Variants in ERC2 observed in about 807,000 individuals in gnomAD.
The protein encoded by ERC2 is ERC protein 2.
Under a neutral mutation model 114.8 loss-of-function variants are expected in ERC2, and 42 were observed. That is an observed-to-expected ratio of 0.37 (90% confidence interval 0.29 to 0.47). The LOEUF (loss-of-function observed/expected upper bound fraction) is 0.47. Among genes scored for constraint, ERC2 ranks in the 20% least tolerant of loss-of-function variants. The pLI is 0.99. For missense variants in ERC2, 939 were observed against 1,150.7 expected (o/e 0.82, Z 2.66); for synonymous variants, 454 against 425.5 (o/e 1.07, Z -0.82).
intron 2 of ERC2, among the ~76,000 whole-genome samples, chr3:56,392,353 T>C (rs1025117811): frequency 2.6e-5 from 4 of 152,220 alleles, no homozygotes; most frequent in African/African-American, 9.6e-5. Context: ...ATGGACTGTT[T>C]ATTTCATTAT....
chr3:56,066,441 A>G (rs1436144514), intron 7 of ERC2, among the ~76,000 whole-genome samples: 1 of 152,054 alleles, frequency 6.6e-6, no homozygotes, highest in African/African-American at 2.4e-5. Flanking sequence ...TTCCTTGTAG[A>G]TTCTGGATAT....
chr3:56,423,038 T>A (rs2061442840), intron 2 of ERC2, among the ~76,000 whole-genome samples: 1 of 152,248 alleles, frequency 6.6e-6, no homozygotes. Flanking sequence ...CCTTACAAGA[T>A]TGACACCTAT....
At chr3:55,805,125 G>A (rs1336930883) in intron 14 of ERC2, among the ~76,000 whole-genome samples, 2 of 151,964 alleles carry the variant, frequency 1.3e-5, no homozygotes, top group African/African-American at 4.8e-5. Flanking sequence ...AGTACTTACT[G>A]CCAATGCTCC....
intron 2 of ERC2, among the ~76,000 whole-genome samples, chr3:56,413,586 G>A (rs9813010): frequency 0.046 from 7,038 of 152,126 alleles, 403 homozygotes; most frequent in African/African-American, 0.13. Flanking sequence ...AGTCCCCTTG[G>A]TCAGACACTG....
At chr3:56,407,354 CCTCT>C (rs1295705197) in intron 2 of ERC2, among the ~76,000 whole-genome samples, 1 of 152,170 alleles carries the variant, frequency 6.6e-6, no homozygotes, top group African/African-American at 2.4e-5. Flanking sequence ...CTTCTCACGT[CCTCT>C]CTAATTTCCA....
At chr3:56,364,414 T>C (rs541281591) in intron 2 of ERC2, among the ~76,000 whole-genome samples, 3 of 152,332 alleles carry the variant, frequency 2.0e-5, no homozygotes, top group African/African-American at 4.8e-5. Flanking sequence ...ATGTTACACA[T>C]ATATAAACAC....
chr3:55,676,516 G>T (rs1312528546), intron 17 of ERC2, among the ~76,000 whole-genome samples: 1 of 150,788 alleles, frequency 6.6e-6, no homozygotes, highest in Admixed American at 6.6e-5. Context: ...CCACCCATTG[G>T]TATCTGTGTC....
intron 5 of ERC2, among the ~76,000 whole-genome samples, chr3:56,142,715 C>A (rs1016410908): frequency 1.3e-5 from 2 of 151,872 alleles, no homozygotes; most frequent in Non-Finnish European, 2.9e-5. Flanking sequence ...CTTATAATTC[C>A]AACTTTTGAA....
intron 3 of ERC2, among the ~76,000 whole-genome samples, chr3:56,265,976 T>C (rs949425018): frequency 2.0e-5 from 3 of 149,830 alleles, no homozygotes; most frequent in East Asian, 4.0e-4. Flanking sequence ...TTGCAGTGAG[T>C]TGAGATCATG....
At chr3:55,981,643 T>C (rs907736758) in intron 12 of ERC2, among the ~76,000 whole-genome samples, 4 of 151,926 alleles carry the variant, frequency 2.6e-5, no homozygotes, top group African/African-American at 9.7e-5. Context: ...AAGAAGGAAA[T>C]AGGGATTGAA....
intron 5 of ERC2, among the ~76,000 whole-genome samples, chr3:56,147,125 T>A (rs1322772147): frequency 4.6e-5 from 7 of 152,156 alleles, no homozygotes; most frequent in Admixed American, 3.9e-4. Flanking sequence ...AACAATAATT[T>A]CCCCCAAACT....
chr3:56,068,801 C>T (rs1248152206), intron 7 of ERC2, among the ~76,000 whole-genome samples: 1 of 152,028 alleles, frequency 6.6e-6, no homozygotes, highest in African/African-American at 2.4e-5. Flanking sequence ...CATTATTTAC[C>T]CAGGAATCAT....
intron 13 of ERC2, among the ~76,000 whole-genome samples, chr3:55,932,944 C>T (rs886237523): frequency 6.6e-6 from 1 of 152,226 alleles, no homozygotes; most frequent in African/African-American, 2.4e-5. Flanking sequence ...CGTGGTAGCT[C>T]ACGCCTGTAA....
In ERC2 at chr3:55,964,554, T is replaced by G. The variant is rs1305018222; in HGVS notation, c.2268-13994A>C. Among the ~76,000 whole-genome samples, 5 of 152,184 alleles carry G rather than the reference T, an allele frequency of 3.3e-5. No individual in the cohort carries two copies. The East Asian group carries it at 9.7e-4, about 29-fold the overall frequency. On this transcript the variant is annotated intron_variant, in intron 12 of 17. Transcript: ENST00000288221. ...TCCATCTGAGGTGTGGCTTACTGGA[T>G]CAACCCAAAAATAATTTAAACCAGC... is the stretch of plus-strand genomic sequence containing the variant.
chr3:55,912,229 A>G (rs941461054), intron 13 of ERC2, among the ~76,000 whole-genome samples: 15 of 152,220 alleles, frequency 9.9e-5, no homozygotes, highest in African/African-American at 3.6e-4. Flanking sequence ...AAGAAATCTC[A>G]GAAGAGATAT....
chr3:56,000,615 A>C lies in ERC2; in HGVS notation c.2061+6566T>G, dbSNP rs1042569475. 2.6e-5 allele frequency among the ~76,000 whole-genome samples: 4 copies of C among 152,184 alleles called. No individual in the cohort carries two copies. In the East Asian group the frequency reaches 7.7e-4, roughly 29 times the overall value. On this transcript the variant is annotated intron_variant, in intron 10 of 17. Coordinates refer to ENST00000288221, the MANE Select transcript of ERC2 (RefSeq NM_015576.3). ...AAAAAATTCCACCTAAACATGTGTCAAAGTTATGTAAAATGACAATTCTCA... is the reference window on the plus strand; with the variant it reads ...AAAAAATTCCACCTAAACATGTGTCCAAGTTATGTAAAATGACAATTCTCA...
At chr3:55,525,534 C>T (rs1036309051) in intron 17 of ERC2, among the ~76,000 whole-genome samples, 4 of 152,082 alleles carry the variant, frequency 2.6e-5, no homozygotes, top group African/African-American at 9.7e-5. Flanking sequence ...GTAGGAGCTA[C>T]CGAGTGGAAG....
intron 14 of ERC2, among the ~76,000 whole-genome samples, chr3:55,788,976 G>A (rs539565352): frequency 3.3e-5 from 5 of 152,242 alleles, no homozygotes; most frequent in East Asian, 1.9e-4. Flanking sequence ...AACCAGTCAC[G>A]AGTTCTCTAA....
intron 14 of ERC2, among the ~76,000 whole-genome samples, chr3:55,804,872 C>T (rs1179816425): frequency 6.6e-6 from 1 of 152,078 alleles, no homozygotes; most frequent in Non-Finnish European, 1.5e-5. Context: ...AACTGTTCTT[C>T]TGCTTGCTTC....
Sources: gnomAD v4.1 joint callset for allele counts (sites outside exome capture counted in the v4.1 genomes callset) on GRCh38, gnomAD v4.1.1 for gene constraint, MANE v1.5 for transcripts, NCBI Gene and HGNC (gene_info 2026-07-23, HGNC 2026-07-21) for gene names.